RIMOC1: variants seen among roughly 807,000 people sequenced by gnomAD.
RIMOC1 encodes the protein RAB7A interacting MON1-CCZ1 complex subunit 1.
the RIMOC1 span, chr5:41,909,850 A>G: frequency 8.8e-6 from 14 of 1,584,896 alleles, no homozygotes; most frequent in African/African-American, 1.6e-4. Context: ...GTTTTCTTTC[A>G]GAACCAGAAA....
At chr5:41,912,006 A>G in the RIMOC1 span, 2 of 991,656 alleles carry the variant, frequency 2.0e-6, no homozygotes, top group Admixed American at 3.6e-5. Context: ...AAATATTAGT[A>G]TTTGAAGTTT....
At chr5:41,910,863 A>G in the RIMOC1 span, among the ~76,000 whole-genome samples, 5 of 152,278 alleles carry the variant, frequency 3.3e-5, no homozygotes, top group Non-Finnish European at 5.9e-5. Context: ...TTTAATTTTC[A>G]TGTATTAATA....
the RIMOC1 span, chr5:41,904,552 G>A: frequency 7.6e-7 from 1 of 1,313,286 alleles, no homozygotes; most frequent in Non-Finnish European, 1.1e-6. Context: ...TAGAGGCTGA[G>A]GCCTGTGTTC....
At chr5:41,917,783 A>C in the RIMOC1 span, 1 of 893,260 alleles carries the variant, frequency 1.1e-6, no homozygotes, top group Non-Finnish European at 1.3e-6. Flanking sequence ...ACTAATATTC[A>C]GATTCCATTT....
At chr5:41,918,031 A>G in the RIMOC1 span, 4 of 985,500 alleles carry the variant, frequency 4.1e-6, no homozygotes, top group Admixed American at 6.1e-5. Context: ...ACATCTTTTC[A>G]TAACATACTG....
the RIMOC1 span, chr5:41,904,421 G>A: frequency 6.2e-7 from 1 of 1,614,158 alleles, no homozygotes; most frequent in Non-Finnish European, 8.5e-7. Context: ...TCGGGGATCT[G>A]GCTCAGGCCC....
the RIMOC1 span, chr5:41,907,845 A>G: frequency 3.8e-6 from 6 of 1,581,334 alleles, no homozygotes; most frequent in Admixed American, 1.7e-5. Flanking sequence ...ACACACAGGT[A>G]CTGAAAGAGT....
the RIMOC1 span, among the ~76,000 whole-genome samples, chr5:41,914,771 G>GA: frequency 6.6e-6 from 1 of 151,638 alleles, no homozygotes; most frequent in Non-Finnish European, 1.5e-5. Flanking sequence ...CCCTGTCTGA[G>GA]AAAAAAGAAA....
At chr5:41,920,374 C>T in the RIMOC1 span, 1 of 152,132 alleles carries the variant, frequency 6.6e-6, no homozygotes. Flanking sequence ...GAAGTAACCT[C>T]AAGGTACCAA....
chr5:41,919,442 T>A, the RIMOC1 span: 1 of 152,220 alleles, frequency 6.6e-6, no homozygotes, highest in African/African-American at 2.4e-5. Context: ...TCTCAGTTCC[T>A]GCCCCAGCCC....
At chr5:41,907,140 T>C in the RIMOC1 span, among the ~76,000 whole-genome samples, 3 of 152,208 alleles carry the variant, frequency 2.0e-5, no homozygotes, top group African/African-American at 7.2e-5. Context: ...AAGTATTTAG[T>C]TCCTTTTCTT....
At chr5:41,914,180 C>T in the RIMOC1 span, among the ~76,000 whole-genome samples, 8 of 152,180 alleles carry the variant, frequency 5.3e-5, no homozygotes, top group East Asian at 3.9e-4. Context: ...ATATTGGTGG[C>T]GTCTCTTTGT....
chr5:41,908,446 C>G, the RIMOC1 span: 1 of 151,914 alleles, frequency 6.6e-6, no homozygotes, highest in Non-Finnish European at 1.5e-5. Context: ...TTTCATGTGC[C>G]CTTTTTGGAT....
the RIMOC1 span, among the ~76,000 whole-genome samples, chr5:41,906,970 T>G: frequency 6.6e-6 from 1 of 151,990 alleles, no homozygotes; most frequent in Non-Finnish European, 1.5e-5. Context: ...TTTGACTTCA[T>G]GAAGTGCTGC....
the RIMOC1 span, chr5:41,916,878 T>G: frequency 1.6e-6 from 1 of 615,550 alleles, no homozygotes; most frequent in East Asian, 2.9e-5. Flanking sequence ...GTTAGTCATA[T>G]TTGGCTTTTG....
At chr5:41,913,789 G>T in the RIMOC1 span, among the ~76,000 whole-genome samples, 1 of 152,068 alleles carries the variant, frequency 6.6e-6, no homozygotes, top group Non-Finnish European at 1.5e-5. Context: ...ATTACTTTCT[G>T]CTCATTTAGA....
chr5:41,905,684 A>G, the RIMOC1 span, among the ~76,000 whole-genome samples: 1 of 152,250 alleles, frequency 6.6e-6, no homozygotes, highest in African/African-American at 2.4e-5. Flanking sequence ...AAAGTTATCT[A>G]TGTTACCTCT....
chr5:41,908,914 C>T, the RIMOC1 span, among the ~76,000 whole-genome samples: 1 of 152,266 alleles, frequency 6.6e-6, no homozygotes, highest in Non-Finnish European at 1.5e-5. Context: ...AGGCCTTTCG[C>T]ACGATAACAT....
chr5:41,913,326 T>A, the RIMOC1 span, among the ~76,000 whole-genome samples: 2 of 152,222 alleles, frequency 1.3e-5, no homozygotes, highest in Admixed American at 1.3e-4. Flanking sequence ...TAAGATTCTT[T>A]ACTAAGAAGG....
Sources: gnomAD v4.1 joint callset for allele counts (sites outside exome capture counted in the v4.1 genomes callset) on GRCh38, gnomAD v4.1.1 for gene constraint, MANE v1.5 for transcripts, NCBI Gene and HGNC (gene_info 2026-07-23, HGNC 2026-07-21) for gene names.